KCNH5: variants seen among roughly 807,000 people sequenced by gnomAD.
The protein encoded by KCNH5 is potassium voltage-gated channel subfamily H member 5, also known as voltage-gated delayed rectifier potassium channel KCNH5.
In KCNH5, 46 loss-of-function variants were observed where a neutral mutation model predicts 96.1. That is an observed-to-expected ratio of 0.48 (90% CI 0.38 to 0.61). The LOEUF is 0.61. Ranked by LOEUF, KCNH5 falls within the 20% of genes least tolerant of loss-of-function variation. The pLI is 0.00. For synonymous variants in KCNH5, 439 were observed against 449.8 expected (o/e 0.98, Z 0.30); for missense variants, 907 against 1,225.8 (o/e 0.74, Z 3.88).
intron 1 of KCNH5, among the ~76,000 whole-genome samples, chr14:63,041,731 T>TTATTA (rs1203552235): frequency 7.7e-6 from 1 of 130,622 alleles, no homozygotes; most frequent in African/African-American, 2.9e-5. Flanking sequence ...ATGGCCCTCA[T>TTATTA]TATTTTATTT....
chr14:62,720,781 G>A (rs1297320172), intron 10 of KCNH5, among the ~76,000 whole-genome samples: 1 of 152,120 alleles, frequency 6.6e-6, no homozygotes. Flanking sequence ...CTAAGCCGAA[G>A]GACAAATGGT....
chr14:62,872,629 G>T (rs1198001886), intron 7 of KCNH5, among the ~76,000 whole-genome samples: 3 of 152,072 alleles, frequency 2.0e-5, no homozygotes, highest in Admixed American at 1.3e-4. Context: ...GGAGGCGGAG[G>T]TTGCAGTGAG....
intron 6 of KCNH5, among the ~76,000 whole-genome samples, chr14:62,956,708 A>T (rs188291339): frequency 5.1e-4 from 78 of 152,072 alleles, no homozygotes; most frequent in Middle Eastern, 3.4e-3. Flanking sequence ...CACTCTCATA[A>T]CCTTTAGATT....
intron 7 of KCNH5, among the ~76,000 whole-genome samples, chr14:62,936,674 C>CAAAA (rs3080873): frequency 8.4e-6 from 1 of 119,756 alleles, no homozygotes. Context: ...GACCCTGCCT[C>CAAAA]AAAAAAAAAA....
chr14:62,824,292 T>TAA (rs1887175401), intron 8 of KCNH5, among the ~76,000 whole-genome samples: 1 of 152,004 alleles, frequency 6.6e-6, no homozygotes, highest in Admixed American at 6.6e-5. Context: ...TGAATACTTT[T>TAA]CCCCTAAAGG....
chr14:63,045,444 G>C lies in KCNH5; in HGVS notation c.-258C>G, dbSNP rs1266013326. On this transcript the variant is annotated 5_prime_UTR_variant, in exon 1 of 11. Coordinates refer to ENST00000322893, the MANE Select transcript of KCNH5 (RefSeq NM_139318.5). ...CCAGACTGTGGCGGTGCCGCACACG[G>C]GGCTCGGGAACTGCAGGCTCCGCGG... The C allele has an allele frequency of 1.9e-6, 1 of 513,094 alleles. No homozygotes were observed. Among genetic ancestry groups the C allele is most frequent in the Non-Finnish European group, 3.5e-6 (1 of 283,728 alleles). 31.8% of individuals were successfully genotyped at this position (513,094 alleles called of 1,614,324 possible).
Position 62,700,803 on chromosome 14 carries a change from G to A in KCNH5, c.*6705C>T, listed in dbSNP as rs1884336223. On this transcript the variant is annotated 3_prime_UTR_variant, in exon 11 of 11. Coordinates refer to ENST00000322893, the MANE Select transcript of KCNH5 (RefSeq NM_139318.5). ...ATAATTTGGTTGAAAAAGTTGAGGA[G>A]CAAATGAGGGGTCCATGGCAACAAT... 1 of 152,104 alleles carries A rather than the reference G, an allele frequency of 6.6e-6. No individual in the cohort carries two copies. The highest frequency in any genetic ancestry group is 1.5e-5 in the Non-Finnish European group (1 of 68,010). 9.4% of individuals were successfully genotyped at this position (152,104 alleles called of 1,614,324 possible).
rs537329978 is a variant in KCNH5, at chr14:62,817,871, A to C, written c.1570-15290T>G. ...TATATATACACATACATACATATAC[A>C]TATAATAGCCATAAATATAAATATA... On this transcript the variant is annotated intron_variant, in intron 8 of 10. Transcript: ENST00000322893. Among the ~76,000 whole-genome samples, 806 of 125,128 alleles carry C rather than the reference A, an allele frequency of 6.4e-3. 4 individuals carry two copies. The highest frequency in any genetic ancestry group is 0.02 in the Middle Eastern group (5 of 252). 82.1% of individuals were successfully genotyped at this position (125,128 alleles called of 152,430 possible). A position where few individuals can be genotyped will look rare whatever the true frequency, so the allele number is the denominator to read the frequency against.
At chr14:62,839,694 T>C (rs1181344643) in intron 8 of KCNH5, among the ~76,000 whole-genome samples, 1 of 152,176 alleles carries the variant, frequency 6.6e-6, no homozygotes, top group Non-Finnish European at 1.5e-5. Context: ...CACAGACCAT[T>C]TAATATTATT....
intron 10 of KCNH5, among the ~76,000 whole-genome samples, chr14:62,733,415 C>T (rs953780606): frequency 3.9e-5 from 6 of 152,080 alleles, no homozygotes; most frequent in African/African-American, 1.4e-4. Flanking sequence ...AACCAGGAAA[C>T]AGGCTCTCAC....
At chr14:62,881,819 G>A (rs1595668716) in intron 7 of KCNH5, among the ~76,000 whole-genome samples, 1 of 150,852 alleles carries the variant, frequency 6.6e-6, no homozygotes, top group African/African-American at 2.4e-5. Flanking sequence ...GAGTGATAAA[G>A]TCTTATACTA....
chr14:62,751,093 T>C (rs1380901533), intron 10 of KCNH5, among the ~76,000 whole-genome samples: 2 of 152,106 alleles, frequency 1.3e-5, no homozygotes, highest in Non-Finnish European at 2.9e-5. Flanking sequence ...ATAAGGAGCA[T>C]CTAGCAACAA....
intron 9 of KCNH5, among the ~76,000 whole-genome samples, chr14:62,797,263 A>G (rs1405857950): frequency 2.0e-5 from 3 of 152,206 alleles, no homozygotes; most frequent in Non-Finnish European, 4.4e-5. Flanking sequence ...GAACTCTAAA[A>G]GTGTATATTT....
intron 10 of KCNH5, among the ~76,000 whole-genome samples, chr14:62,756,075 CT>C (rs1422510282): frequency 6.6e-6 from 1 of 151,228 alleles, no homozygotes; most frequent in East Asian, 1.9e-4. Context: ...CACCAAAAAA[CT>C]ATTAGAACTG....
chr14:62,885,596 T>C lies in KCNH5; in HGVS notation c.1370-35744A>G, dbSNP rs149617298. Among the ~76,000 whole-genome samples, 25 of 152,328 alleles carry C rather than the reference T, an allele frequency of 1.6e-4. 1 individual carries two copies. The East Asian group carries it at 4.8e-3, about 29-fold the overall frequency. On this transcript the variant is annotated intron_variant, in intron 7 of 10. Transcript: ENST00000322893. ...AACATCATAGTTTATTCATTATATG[T>C]TTTCTAAACACCTCCTATGTGTCAC... is the stretch of plus-strand genomic sequence containing the variant.
chr14:62,710,503 G>A (rs955381404), intron 10 of KCNH5, among the ~76,000 whole-genome samples: 2 of 152,176 alleles, frequency 1.3e-5, no homozygotes, highest in African/African-American at 2.4e-5. Flanking sequence ...CCCAGACACA[G>A]GAACGCAGAT....
intron 8 of KCNH5, among the ~76,000 whole-genome samples, chr14:62,825,278 G>A (rs999732996): frequency 1.1e-4 from 17 of 152,112 alleles, no homozygotes; most frequent in East Asian, 3.9e-4. Context: ...CCTGTTCTAC[G>A]AAGCCTTGCC....
At chr14:62,762,838 C>A (rs1236333323) in intron 10 of KCNH5, among the ~76,000 whole-genome samples, 1 of 151,762 alleles carries the variant, frequency 6.6e-6, no homozygotes, top group East Asian at 1.9e-4. Flanking sequence ...AACAAGAAGA[C>A]ATAACTATCC....
chr14:62,948,203 A>T (rs1053713829), intron 7 of KCNH5, among the ~76,000 whole-genome samples: 6 of 152,180 alleles, frequency 3.9e-5, no homozygotes, highest in Non-Finnish European at 7.3e-5. Flanking sequence ...TATATGTGCC[A>T]CATTTTCTTA....
Sources: allele counts gnomAD v4.1 joint callset (sites outside exome capture counted in the v4.1 genomes callset), GRCh38; gene constraint gnomAD v4.1.1; transcripts MANE v1.5; gene names NCBI Gene and HGNC (gene_info 2026-07-23, HGNC 2026-07-21).